GATM: variants seen among roughly 807,000 people sequenced by gnomAD.
GATM encodes the protein glycine amidinotransferase, also known as glycine amidinotransferase, mitochondrial.
Under a neutral mutation model 54.2 loss-of-function variants are expected in GATM, and 23 were observed. The ratio of observed to expected loss-of-function variants is 0.42; its 90% CI spans 0.31 to 0.60. GATM has a LOEUF of 0.60. GATM is among the 20% of genes least tolerant of loss of function. The pLI is 0.14. For missense variants in GATM, 401 were observed against 544.9 expected (o/e 0.74, Z 2.63); for synonymous variants, 168 against 183.1 (o/e 0.92, Z 0.67).
chr15:45,369,570 CTCA>C (rs781147046), intron 2 of GATM, 49 bp from the exon 3 acceptor site: 1 of 1,527,120 alleles, frequency 6.5e-7, no homozygotes, highest in South Asian at 1.1e-5. Context: ...AAAAATACAG[CTCA>C]TGATAGGTTC....
In GATM at chr15:45,366,511, A is replaced by G; in HGVS notation, c.676-3T>C. 6.2e-7 allele frequency: 1 copy of G among 1,613,960 alleles called. No homozygotes were observed. Among genetic ancestry groups the G allele is most frequent in the African/African-American group, 1.3e-5 (1 of 75,022 alleles). ...TCTACAGAGTGGATGGGATAATCCT[A>G]ATTGGAACAAGAATGAACACACACA... is the stretch of plus-strand genomic sequence containing the variant. On this transcript the variant is annotated splice_polypyrimidine_tract_variant and splice_region_variant and intron_variant, in intron 4 of 8. Transcript: ENST00000396659.
chr15:45,366,327 A>G (rs1441482653), intron 5 of GATM, 44 bp downstream of exon 5: 1 of 1,612,548 alleles, frequency 6.2e-7, no homozygotes, highest in Non-Finnish European at 8.5e-7. Flanking sequence ...GAAGTAAAGA[A>G]TACAATAATA....
chr15:45,389,086 T>G (rs1247935184), intron 3 of GATM, among the ~76,000 whole-genome samples: 3 of 152,238 alleles, frequency 2.0e-5, no homozygotes, highest in Non-Finnish European at 4.4e-5. Flanking sequence ...GATAAAGCCC[T>G]CCTTAGGGGA....
intron 8 of GATM, among the ~76,000 whole-genome samples, chr15:45,363,063 A>C (rs1165346602): frequency 1.3e-5 from 2 of 152,146 alleles, no homozygotes; most frequent in Non-Finnish European, 2.9e-5. Flanking sequence ...TGGATGGATC[A>C]CTTGAGGTCA....
At chr15:45,366,234 G>C in intron 5 of GATM, 24 bp from the exon 6 acceptor site, 3 of 1,613,292 alleles carry the variant, frequency 1.9e-6, no homozygotes, top group Non-Finnish European at 2.5e-6. Context: ...AAAGACATAC[G>C]ATCGATAAAT....
At chr15:45,375,795 C>T (rs999763191) in intron 2 of GATM, among the ~76,000 whole-genome samples, 3 of 151,912 alleles carry the variant, frequency 2.0e-5, no homozygotes, top group Non-Finnish European at 2.9e-5. Context: ...TAGTGGGGGT[C>T]GCCTAGCAAA....
At chr15:45,367,138 C>T (rs1315590270) in intron 4 of GATM, among the ~76,000 whole-genome samples, 10 of 152,080 alleles carry the variant, frequency 6.6e-5, no homozygotes, top group Admixed American at 3.9e-4. Flanking sequence ...GTCAGGAGTT[C>T]GAGACCAGCC....
At chr15:45,385,017 A>G (rs200678805) in intron 3 of GATM, among the ~76,000 whole-genome samples, 1 of 152,066 alleles carries the variant, frequency 6.6e-6, no homozygotes, top group Non-Finnish European at 1.5e-5. Context: ...TCTTAACCCA[A>G]CAGCCTCTAG....
chr15:45,378,318 T>G, intron 1 of GATM, 67 bp downstream of exon 1: 6 of 1,283,754 alleles, frequency 4.7e-6, no homozygotes, highest in Non-Finnish European at 6.4e-6. Flanking sequence ...AGCGAGCGAG[T>G]GCTCCACGCC....
At chr15:45,401,284 A>C (rs1310365793) in intron 1 of GATM, among the ~76,000 whole-genome samples, 1 of 152,180 alleles carries the variant, frequency 6.6e-6, no homozygotes, top group Non-Finnish European at 1.5e-5. Context: ...CATTGATAAG[A>C]TATTACTACA....
intron 3 of GATM, among the ~76,000 whole-genome samples, chr15:45,386,722 C>T (rs937395627): frequency 3.3e-5 from 5 of 152,210 alleles, no homozygotes; most frequent in African/African-American, 1.2e-4. Flanking sequence ...ACTTCTCTAG[C>T]TGGGCCCTGG....
At chr15:45,383,521 C>T (rs1211523833), upstream of GATM, among the ~76,000 whole-genome samples, 1 of 152,030 alleles carries the variant, frequency 6.6e-6, no homozygotes. Flanking sequence ...AATTTAAAAA[C>T]AGTAAACACC....
At position 45,363,930 on chromosome 15, in the gene GATM, C is replaced by A; in HGVS notation, c.1129G>T (p.Val377Phe). ...EKRVMVDANE[V>F]PIQKMFEKLG... The stretch of plus-strand genomic sequence containing the variant: ...TTTTCAAACATCTTTTGAATTGGAA[C>A]TTCATTGGCATCCACCATAACACGT... Residue 377 changes from valine (V) to phenylalanine (F), a missense_variant, in exon 8 of 9, where the codon GTT becomes TTT. By Grantham distance (50) the Val-to-Phe change is conservative. Around this residue, in one of 3 missense-constraint regions of GATM, gnomAD observed 321 missense variants for 457.5 expected, o/e 0.70. Transcript: ENST00000396659. 6.2e-7 allele frequency: 1 copy of A among 1,612,690 alleles called. No homozygotes were observed. The highest frequency in any genetic ancestry group is 8.5e-7 in the Non-Finnish European group (1 of 1,179,000).
intron 1 of GATM, 57 bp downstream of exon 1, chr15:45,378,328 C>A: frequency 7.2e-7 from 1 of 1,390,484 alleles, no homozygotes; most frequent in African/African-American, 1.5e-5. Context: ...TGCTCCACGC[C>A]GCCCGCAGGA....
intron 2 of GATM, among the ~76,000 whole-genome samples, chr15:45,398,239 A>C (rs1163704078): frequency 6.6e-6 from 1 of 152,182 alleles, no homozygotes; most frequent in Non-Finnish European, 1.5e-5. Context: ...ATGTTCAATA[A>C]ATATTTGTTT....
Position 45,361,313 on chromosome 15 carries a change from T to C in GATM, c.*796A>G, listed in dbSNP as rs1375546455. 1.3e-5 allele frequency: 2 copies of C among 152,186 alleles called. No individual in the cohort carries two copies. The highest frequency in any genetic ancestry group is 2.4e-5 in the African/African-American group (1 of 41,446). 9.4% of individuals were successfully genotyped at this position (152,186 alleles called of 1,614,324 possible). A position where few individuals can be genotyped will look rare whatever the true frequency, so the allele number is the denominator to read the frequency against. On this transcript the variant is annotated 3_prime_UTR_variant, in exon 9 of 9. Coordinates refer to ENST00000396659, the MANE Select transcript of GATM (RefSeq NM_001482.3). Reference sequence around the variant, plus strand: ...CCAAAGATGCAGTGTATCTATCAGATATTGAATATCAAAACTTAAGGATGG... The same window carrying C: ...CCAAAGATGCAGTGTATCTATCAGACATTGAATATCAAAACTTAAGGATGG...
chr15:45,397,614 C>T (rs762265316), intron 2 of GATM, among the ~76,000 whole-genome samples: 4 of 152,188 alleles, frequency 2.6e-5, no homozygotes, highest in Non-Finnish European at 5.9e-5. Context: ...ATCCTTATTA[C>T]ATCCTTTATT....
Position 45,369,741 on chromosome 15 carries a change from C to T in GATM, c.289-220G>A. On this transcript the variant is annotated intron_variant, in intron 2 of 8. Transcript: ENST00000396659. ...CTAAAACATCTTGATATTTTGAGGC[C>T]TTTTGCTCCTCCTGCCTGAGATCTC... The T allele has an allele frequency of 5.5e-6, 3 of 547,876 alleles. 1 individual carries two copies. In the South Asian group the frequency reaches 6.4e-5, roughly 12 times the overall value. The allele number at this position is 547,876 out of a possible 1,614,324, so 33.9% of individuals were successfully genotyped here.
Position 45,384,114 on chromosome 15 carries a change from C to T in GATM, c.-318-7295G>A, listed in dbSNP as rs934851896. On this transcript the variant is annotated intron_variant, in intron 3 of 4. Transcript: ENST00000561148. ...AAGCCTGAGCCCTTAACTTCTAGGA[C>T]ACTTGATTTTCTCACAGATTCTCAG... Among the ~76,000 whole-genome samples, 18 of 152,182 alleles carry T rather than the reference C, an allele frequency of 1.2e-4. 1 individual carries two copies. Among genetic ancestry groups the T allele is most frequent in the Admixed American group, 9.8e-4 (15 of 15,278 alleles).
Sources: gnomAD v4.1 joint callset for allele counts (sites outside exome capture counted in the v4.1 genomes callset) on GRCh38, gnomAD v4.1.1 for gene constraint, gnomAD v4.1.1 regional missense constraint, MANE v1.5 for transcripts, NCBI Gene and HGNC (gene_info 2026-07-23, HGNC 2026-07-21) for gene names.